ASCC1: variants seen among roughly 807,000 people sequenced by gnomAD.
ASCC1 encodes ASC-1 complex subunit P50.
Under a neutral mutation model 46.6 loss-of-function variants are expected in ASCC1, and 35 were observed. The ratio of observed to expected loss-of-function variants is 0.75; its 90% CI spans 0.57 to 0.99. The LOEUF is 0.99. Among genes scored for constraint, ASCC1 ranks in the 50% least tolerant of loss-of-function variants. The pLI is 0.00. For synonymous variants in ASCC1, 143 were observed against 146.6 expected (o/e 0.98, Z 0.18); for missense variants, 376 against 428.7 (o/e 0.88, Z 1.09).
chr10:72,208,486 G>A (rs1403424235), intron 3 of ASCC1, among the ~76,000 whole-genome samples: 1 of 152,122 alleles, frequency 6.6e-6, no homozygotes, highest in African/African-American at 2.4e-5. Flanking sequence ...GTGGCCGGGT[G>A]CGGTGGCTCA....
At chr10:72,130,194 G>C (rs1014386749) in intron 8 of ASCC1, among the ~76,000 whole-genome samples, 1 of 152,070 alleles carries the variant, frequency 6.6e-6, no homozygotes, top group Non-Finnish European at 1.5e-5. Flanking sequence ...CCTAGGGCTT[G>C]GTGGAGGTCA....
At chr10:72,119,333 T>C (rs117779123) in intron 9 of ASCC1, among the ~76,000 whole-genome samples, 176 of 152,320 alleles carry the variant, frequency 1.2e-3, no homozygotes, top group Admixed American at 2.8e-3. Context: ...CCTAACCTGC[T>C]GGGGTTTTAT....
In ASCC1 at chr10:72,096,578, G is replaced by A. The variant is rs1418068300; in HGVS notation, c.*756C>T. The stretch of plus-strand genomic sequence containing the variant: ...TAAAGATAAAACTCTGGGTGGTAAA[G>A]GAATTAAAGGCAGAGTCTCAAAGAG... On this transcript the variant is annotated 3_prime_UTR_variant, in exon 10 of 10. Coordinates refer to ENST00000672957, the MANE Select transcript of ASCC1 (RefSeq NM_001198800.3). The A allele has an allele frequency of 1.5e-5, 7 of 453,770 alleles. No individual in the cohort carries two copies. Among genetic ancestry groups the A allele is most frequent in the Non-Finnish European group, 3.1e-5 (7 of 226,670 alleles). 28.1% of individuals were successfully genotyped at this position (453,770 alleles called of 1,614,324 possible). A position where few individuals can be genotyped will look rare whatever the true frequency, so the allele number is the denominator to read the frequency against.
At chr10:72,102,833 G>A in intron 9 of ASCC1, 1 of 353,280 alleles carries the variant, frequency 2.8e-6, no homozygotes, top group Admixed American at 4.0e-5. Context: ...AAATTAGCCA[G>A]GCATGGTGGC....
intron 5 of ASCC1, among the ~76,000 whole-genome samples, chr10:72,171,802 G>T (rs951391417): frequency 1.3e-5 from 2 of 152,190 alleles, no homozygotes; most frequent in Admixed American, 1.3e-4. Context: ...ATAGTCACCG[G>T]TTTTGGGATT....
intron 7 of ASCC1, among the ~76,000 whole-genome samples, chr10:72,148,948 C>T (rs1036465255): frequency 1.3e-5 from 2 of 152,070 alleles, no homozygotes; most frequent in Non-Finnish European, 2.9e-5. Flanking sequence ...ATTTTTCTAA[C>T]TACATATCTG....
chr10:72,173,757 C>T (rs1211206854), intron 5 of ASCC1, among the ~76,000 whole-genome samples: 1 of 120,514 alleles, frequency 8.3e-6, no homozygotes, highest in Non-Finnish European at 1.5e-5. Flanking sequence ...CGGAATATAT[C>T]ATCATATTCC....
intron 8 of ASCC1, 23 bp from the exon 9 acceptor site, chr10:72,128,190 G>A: frequency 6.3e-7 from 1 of 1,591,184 alleles, no homozygotes; most frequent in Non-Finnish European, 8.6e-7. Flanking sequence ...CAAAGATAAT[G>A]TTAGAAGCTT....
At position 72,125,660 on chromosome 10, in the gene ASCC1, T is replaced by TA. The variant is rs535428258; in HGVS notation, c.957+2421dup. On this transcript the variant is annotated intron_variant, in intron 9 of 9. Transcript: ENST00000672957. ...TTGGAGCCCACATTTACTTTTATTT[T>TA]AAAAAAGAAGCTAATTCTCTTGATT... 2.4e-3 allele frequency among the ~76,000 whole-genome samples: 367 copies of TA among 152,276 alleles called. 3 individuals are homozygous for TA. The highest frequency in any genetic ancestry group is 8.3e-3 in the African/African-American group (343 of 41,560).
intron 7 of ASCC1, among the ~76,000 whole-genome samples, chr10:72,138,046 G>T (rs1353525881): frequency 6.6e-6 from 1 of 152,002 alleles, no homozygotes; most frequent in Non-Finnish European, 1.5e-5. Flanking sequence ...TGTATTTTTA[G>T]TAGAGACAGG....
At chr10:72,202,872 G>T (rs1856683551) in intron 4 of ASCC1, among the ~76,000 whole-genome samples, 1 of 152,096 alleles carries the variant, frequency 6.6e-6, no homozygotes, top group African/African-American at 2.4e-5. Flanking sequence ...GTGAAATCTG[G>T]AAGCTTTATT....
chr10:72,155,674 T>C (rs1262741038), intron 6 of ASCC1, among the ~76,000 whole-genome samples: 2 of 152,244 alleles, frequency 1.3e-5, no homozygotes, highest in Non-Finnish European at 2.9e-5. Context: ...CTGGTTTTCC[T>C]AAAATTAACA....
chr10:72,105,973 T>C (rs7090800), intron 9 of ASCC1, among the ~76,000 whole-genome samples: 79,950 of 151,922 alleles, frequency 0.53, 22,119 homozygotes, highest in African/African-American at 0.69. Context: ...CCTCGGGCTA[T>C]AGAACCGAAT....
At chr10:72,157,853 G>A (rs1325925054) in intron 6 of ASCC1, among the ~76,000 whole-genome samples, 3 of 152,142 alleles carry the variant, frequency 2.0e-5, no homozygotes, top group African/African-American at 4.8e-5. Context: ...TTGTAATTTA[G>A]TTCAAGTACA....
chr10:72,151,327 A>C (rs993911352), intron 7 of ASCC1, among the ~76,000 whole-genome samples: 1 of 152,204 alleles, frequency 6.6e-6, no homozygotes, highest in Non-Finnish European at 1.5e-5. Context: ...CATCATTCTG[A>C]GCAAACTATA....
chr10:72,197,009 G>A lies in ASCC1; in HGVS notation c.311-20C>T, dbSNP rs776119295. ...TGATTACTGTAAACAAAGAAGAAAG[G>A]GTAAACTGCTCAAGGACCCCCAAAT... On this transcript the variant is annotated intron_variant, in intron 4 of 9. Coordinates refer to ENST00000672957, the MANE Select transcript of ASCC1 (RefSeq NM_001198800.3). The A allele has an allele frequency of 3.7e-6, 6 of 1,613,026 alleles. No individual in the cohort carries two copies. The South Asian group carries it at 6.6e-5, about 18-fold the overall frequency.
At chr10:72,207,275 G>A (rs1237911759) in intron 3 of ASCC1, among the ~76,000 whole-genome samples, 2 of 152,092 alleles carry the variant, frequency 1.3e-5, no homozygotes, top group African/African-American at 4.8e-5. Flanking sequence ...TTAGCCAGGT[G>A]TGGTGGCGCA....
intron 5 of ASCC1, among the ~76,000 whole-genome samples, chr10:72,193,325 G>A (rs557215165): frequency 2.4e-4 from 37 of 152,236 alleles, no homozygotes; most frequent in African/African-American, 8.9e-4. Flanking sequence ...AAACTCCTGA[G>A]ACACACACAA....
chr10:72,170,352 T>G (rs887109338), intron 5 of ASCC1, among the ~76,000 whole-genome samples: 1 of 152,064 alleles, frequency 6.6e-6, no homozygotes, highest in Non-Finnish European at 1.5e-5. Flanking sequence ...GGACACATTA[T>G]CACCTATGCA....
Sources: allele counts gnomAD v4.1 joint callset (sites outside exome capture counted in the v4.1 genomes callset), GRCh38; gene constraint gnomAD v4.1.1; transcripts MANE v1.5; gene names NCBI Gene and HGNC (gene_info 2026-07-23, HGNC 2026-07-21).